GRHL2: variants seen among roughly 807,000 people sequenced by gnomAD.
GRHL2 encodes grainyhead like transcription factor 2, also known as grainyhead-like protein 2 homolog.
A neutral mutation model predicts 83.8 loss-of-function variants in GRHL2; 21 were observed. The ratio of observed to expected loss-of-function variants is 0.25; its 90% CI spans 0.18 to 0.36. The LOEUF (loss-of-function observed/expected upper bound fraction) is 0.36, where lower values mean the gene tolerates loss of function less well. GRHL2 is among the 10% of genes least tolerant of loss of function. The pLI, the probability that GRHL2 is intolerant of heterozygous loss-of-function variation, is 1.00. For missense variants in GRHL2, 623 were observed against 781.8 expected (o/e 0.80, Z 2.42); for synonymous variants, 280 against 278.9 (o/e 1.00, Z -0.04).
At chr8:101,564,762 T>C (rs1483144478) in intron 4 of GRHL2, among the ~76,000 whole-genome samples, 1 of 137,850 alleles carries the variant, frequency 7.3e-6, no homozygotes, top group African/African-American at 2.7e-5. Context: ...CAGGAAGCTA[T>C]GATCATGCCA....
At chr8:101,638,751 T>C (rs1215717066) in intron 12 of GRHL2, among the ~76,000 whole-genome samples, 1 of 152,244 alleles carries the variant, frequency 6.6e-6, no homozygotes, top group Non-Finnish European at 1.5e-5. Flanking sequence ...GGCACATAGA[T>C]AATACATTCC....
the GRHL2 span, among the ~76,000 whole-genome samples, chr8:101,678,421 C>T: frequency 2.6e-5 from 4 of 151,922 alleles, no homozygotes; most frequent in African/African-American, 7.2e-5. Context: ...GCACCTGGCT[C>T]GGAGGGTCCT....
intron 1 of GRHL2, among the ~76,000 whole-genome samples, chr8:101,537,270 T>C (rs371781826): frequency 2.0e-5 from 3 of 152,142 alleles, no homozygotes; most frequent in South Asian, 2.1e-4. Flanking sequence ...GTCATTAAAG[T>C]AGAGCAATGA....
At chr8:101,535,759 C>T (rs1338594561) in intron 1 of GRHL2, among the ~76,000 whole-genome samples, 3 of 152,114 alleles carry the variant, frequency 2.0e-5, no homozygotes, top group Non-Finnish European at 2.9e-5. Flanking sequence ...AGGCTGGTCT[C>T]GAACTCCTGA....
chr8:101,589,033 C>T (rs912654501), intron 7 of GRHL2, among the ~76,000 whole-genome samples: 32 of 152,260 alleles, frequency 2.1e-4, no homozygotes, highest in African/African-American at 7.7e-4. Context: ...GCTGATTAAC[C>T]ACTTTGGGCA....
chr8:101,566,575 TATAAATATA>T (rs1411851161), intron 4 of GRHL2, among the ~76,000 whole-genome samples: 2 of 133,202 alleles, frequency 1.5e-5, no homozygotes, highest in Non-Finnish European at 3.6e-5. Context: ...ACTATAATAA[TATAAATATA>T]ATAATATTAT....
chr8:101,606,176 C>T (rs1276435815), intron 8 of GRHL2, among the ~76,000 whole-genome samples: 1 of 152,196 alleles, frequency 6.6e-6, no homozygotes, highest in Admixed American at 6.5e-5. Context: ...CTCACATTTA[C>T]CAGGGTGGTA....
At chr8:101,527,470 G>T (rs550450667) in intron 1 of GRHL2, among the ~76,000 whole-genome samples, 1 of 152,240 alleles carries the variant, frequency 6.6e-6, no homozygotes, top group Non-Finnish European at 1.5e-5. Flanking sequence ...CAAAGCACTG[G>T]AATTATAGCT....
chr8:101,604,734 T>C (rs1812595669), intron 8 of GRHL2, among the ~76,000 whole-genome samples: 1 of 152,220 alleles, frequency 6.6e-6, no homozygotes, highest in African/African-American at 2.4e-5. Context: ...CCAAGCCTTT[T>C]AGAATGACCT....
intron 2 of GRHL2, among the ~76,000 whole-genome samples, chr8:101,545,991 C>G (rs1371166324): frequency 6.9e-6 from 1 of 144,816 alleles, no homozygotes; most frequent in Non-Finnish European, 1.5e-5. Context: ...AAGTGATTCT[C>G]CTGCCTCAGC....
chr8:101,661,015 A>G (rs1367636099), intron 14 of GRHL2, among the ~76,000 whole-genome samples: 1 of 152,242 alleles, frequency 6.6e-6, no homozygotes, highest in Non-Finnish European at 1.5e-5. Flanking sequence ...TGCAGTCCAC[A>G]TAACCCTATG....
chr8:101,672,055 C>T (rs1285311710), downstream of GRHL2, among the ~76,000 whole-genome samples: 1 of 151,586 alleles, frequency 6.6e-6, no homozygotes, highest in Non-Finnish European at 1.5e-5. Flanking sequence ...CCCTTCTGTA[C>T]GTCACCATCA....
intron 13 of GRHL2, among the ~76,000 whole-genome samples, chr8:101,645,984 C>T (rs1813504458): frequency 6.6e-6 from 1 of 152,238 alleles, no homozygotes; most frequent in Non-Finnish European, 1.5e-5. Flanking sequence ...GGCGATCCTC[C>T]CACCTCAGCC....
At chr8:101,636,675 T>A (rs1320867940) in intron 11 of GRHL2, 1 of 558,852 alleles carries the variant, frequency 1.8e-6, no homozygotes, top group East Asian at 2.9e-5. Flanking sequence ...AATCTAGGAA[T>A]TAACCCCATG....
At chr8:101,598,930 T>C (rs1812454090) in intron 7 of GRHL2, 127 bp from the exon 8 acceptor site, 1 of 700,478 alleles carries the variant, frequency 1.4e-6, no homozygotes, top group Non-Finnish European at 2.6e-6. Context: ...AGTCCTTAAC[T>C]GTTAGCATGG....
intron 6 of GRHL2, among the ~76,000 whole-genome samples, chr8:101,574,548 C>T (rs1242319472): frequency 6.6e-6 from 1 of 152,206 alleles, no homozygotes; most frequent in Non-Finnish European, 1.5e-5. Flanking sequence ...TCCATGATGC[C>T]CAGCCCACCT....
intron 1 of GRHL2, among the ~76,000 whole-genome samples, chr8:101,500,093 A>C (rs1446956738): frequency 6.6e-6 from 1 of 152,078 alleles, no homozygotes; most frequent in African/African-American, 2.4e-5. Flanking sequence ...ACAACCAACC[A>C]ACCAAACAAG....
At position 101,669,295 on chromosome 8, in the gene GRHL2, C is replaced by G. The variant is rs1394834437; in HGVS notation, c.*2592C>G. The G allele has an allele frequency of 1.4e-4, 16 of 114,950 alleles. No homozygotes were observed. Among genetic ancestry groups the G allele is most frequent in the Non-Finnish European group, 3.5e-5 (2 of 57,796 alleles). The allele number at this position is 114,950 out of a possible 1,614,324, so 7.1% of individuals were successfully genotyped here. On this transcript the variant is annotated 3_prime_UTR_variant, in exon 16 of 16. Transcript: ENST00000646743. ...AAAGTCTGAACTGAACAGAACAAGA[C>G]TTTTTCCTCATACATCTCCAAATTG...
chr8:101,599,445 C>T (rs1420304418), intron 8 of GRHL2, among the ~76,000 whole-genome samples: 4 of 152,164 alleles, frequency 2.6e-5, no homozygotes, highest in African/African-American at 9.7e-5. Flanking sequence ...AGTGCAGATT[C>T]CCCCAAAGGC....
Sources: gnomAD v4.1 joint callset for allele counts (sites outside exome capture counted in the v4.1 genomes callset) on GRCh38, gnomAD v4.1.1 for gene constraint, MANE v1.5 for transcripts, NCBI Gene and HGNC (gene_info 2026-07-23, HGNC 2026-07-21) for gene names.